The following MAGI1 variants were observed in gnomAD, a reference collection of about 807,000 sequenced individuals.
MAGI1 encodes membrane-associated guanylate kinase, WW and PDZ domain-containing protein 1.
MAGI1 carries 58 observed loss-of-function variants against 139.9 expected under a neutral mutation model. The ratio of observed to expected loss-of-function variants is 0.41; its 90% CI spans 0.34 to 0.52. The LOEUF (loss-of-function observed/expected upper bound fraction) is 0.52. Ranked by LOEUF, MAGI1 falls within the 20% of genes least tolerant of loss-of-function variation. The probability of loss-of-function intolerance (pLI) is 0.12; values close to 1 mark genes in which losing one functional copy is unlikely to be tolerated. For missense variants in MAGI1, 1,874 were observed against 1,901.6 expected, an observed-to-expected ratio of 0.99 and a Z score of 0.27; for synonymous variants, 812 against 737.9, an observed-to-expected ratio of 1.10 and a Z score of -1.63.
intron 1 of MAGI1, among the ~76,000 whole-genome samples, chr3:65,740,864 A>C (rs1321142551): frequency 2.0e-5 from 3 of 152,246 alleles, no homozygotes; most frequent in African/African-American, 7.2e-5. Flanking sequence ...ACACATCCAC[A>C]AACACTAGAA....
intron 1 of MAGI1, among the ~76,000 whole-genome samples, chr3:65,975,477 C>A (rs1029710028): frequency 6.6e-6 from 1 of 151,882 alleles, no homozygotes; most frequent in Admixed American, 6.6e-5. Context: ...GTTTTTAGGC[C>A]GGGCACAGTG....
chr3:65,458,116 C>CAA (rs1383123902), intron 5 of MAGI1, among the ~76,000 whole-genome samples: 1 of 152,126 alleles, frequency 6.6e-6, no homozygotes, highest in African/African-American at 2.4e-5. Flanking sequence ...AAGGTTGTCG[C>CAA]AAATGACTAG....
chr3:65,415,838 C>T (rs1279844966), intron 12 of MAGI1, among the ~76,000 whole-genome samples: 1 of 152,144 alleles, frequency 6.6e-6, no homozygotes, highest in Non-Finnish European at 1.5e-5. Context: ...GGGGGTGCTA[C>T]CGGCAGCTAG....
At chr3:65,363,335 T>TG in intron 21 of MAGI1, 130 bp downstream of exon 21, 3 of 1,122,862 alleles carry the variant, frequency 2.7e-6, no homozygotes, top group Non-Finnish European at 3.7e-6. Context: ...GTAGGAGTCA[T>TG]GCACTTAAGA....
At chr3:66,032,385 G>GTTTT (rs386396910) in intron 1 of MAGI1, among the ~76,000 whole-genome samples, 1 of 134,216 alleles carries the variant, frequency 7.5e-6, no homozygotes, top group Non-Finnish European at 1.6e-5. Context: ...TAATTTTTTT[G>GTTTT]TTTTTTTTTT....
intron 1 of MAGI1, among the ~76,000 whole-genome samples, chr3:65,950,347 G>A (rs75579227): frequency 0.058 from 8,843 of 151,982 alleles, 370 homozygotes; most frequent in Middle Eastern, 0.1. Context: ...GTTCTTTGAA[G>A]CCTCAAAGAA....
chr3:65,544,350 CA>C (rs1217424602), intron 2 of MAGI1, among the ~76,000 whole-genome samples: 2 of 152,084 alleles, frequency 1.3e-5, no homozygotes, highest in African/African-American at 4.8e-5. Flanking sequence ...CTCAATGCAG[CA>C]GGGATAATGC....
At chr3:65,999,076 T>A (rs1056926492) in intron 1 of MAGI1, among the ~76,000 whole-genome samples, 10 of 151,834 alleles carry the variant, frequency 6.6e-5, no homozygotes, top group Non-Finnish European at 8.8e-5. Context: ...AAAAAAAAAA[T>A]TTATTTGAAG....
At chr3:65,686,445 C>T (rs755790718) in intron 1 of MAGI1, among the ~76,000 whole-genome samples, 24 of 152,136 alleles carry the variant, frequency 1.6e-4, no homozygotes, top group Admixed American at 1.5e-3. Context: ...GCGCACACCA[C>T]CAAGCCCAGC....
In MAGI1 at chr3:65,356,939, G is replaced by A. The variant is rs748295432; in HGVS notation, c.3828C>T (p.Pro1276=). Residue 1276 remains proline (P), a synonymous_variant, in exon 23 of 23, where the codon CCC becomes CCT. Coordinates refer to ENST00000402939, the MANE Select transcript of MAGI1 (RefSeq NM_001033057.2). ...TCCCATTCCAGGTGTGGTGTTCATT[G>A]GGTTGTCTGCTATACTCTCTGCTGC... is the stretch of plus-strand genomic sequence containing the variant. The part of the protein sequence containing the change: ...PKGSREYSRQ[P]NEHHTWNGTS... The A allele has an allele frequency of 8.7e-6, 14 of 1,614,168 alleles. No individual in the cohort carries two copies. In the South Asian group the frequency reaches 1.5e-4, roughly 18 times the overall value.
chr3:65,471,474 TGA>T (rs759131132), intron 4 of MAGI1, among the ~76,000 whole-genome samples: 7 of 152,108 alleles, frequency 4.6e-5, no homozygotes, highest in African/African-American at 7.2e-5. Context: ...ATGACACACA[TGA>T]GAGTAAAGGT....
At chr3:65,945,516 T>C (rs117366021) in intron 1 of MAGI1, among the ~76,000 whole-genome samples, 2,230 of 141,828 alleles carry the variant, frequency 0.016, 33 homozygotes, top group East Asian at 0.046. Flanking sequence ...CCTTGTCTAA[T>C]AGGTAGACAA....
chr3:65,387,322 C>A (rs1943530547), intron 14 of MAGI1: 1 of 842,012 alleles, frequency 1.2e-6, no homozygotes, highest in Non-Finnish European at 1.9e-6. Flanking sequence ...ACAGTCAGTT[C>A]AGCTTTCACA....
At chr3:65,658,904 A>G (rs1175700003) in intron 1 of MAGI1, among the ~76,000 whole-genome samples, 1 of 152,254 alleles carries the variant, frequency 6.6e-6, no homozygotes, top group Non-Finnish European at 1.5e-5. Flanking sequence ...GCAATAATGC[A>G]CAATAAATAC....
At chr3:65,584,583 T>C (rs2081587725) in intron 2 of MAGI1, among the ~76,000 whole-genome samples, 1 of 152,084 alleles carries the variant, frequency 6.6e-6, no homozygotes, top group African/African-American at 2.4e-5. Context: ...AAAAAACATA[T>C]AAAAGCAGAA....
intron 2 of MAGI1, among the ~76,000 whole-genome samples, chr3:65,516,326 T>C (rs1023525710): frequency 6.6e-6 from 1 of 151,722 alleles, no homozygotes; most frequent in Non-Finnish European, 1.5e-5. Context: ...ACTACAGGCA[T>C]GTGCCACCCC....
chr3:65,692,858 A>G (rs1036420166), intron 1 of MAGI1, among the ~76,000 whole-genome samples: 6 of 152,148 alleles, frequency 3.9e-5, no homozygotes, highest in African/African-American at 1.4e-4. Context: ...ACAAACAAGA[A>G]GGTATTCATC....
intron 1 of MAGI1, among the ~76,000 whole-genome samples, chr3:65,955,581 A>C (rs187508958): frequency 1.3e-5 from 2 of 152,318 alleles, no homozygotes; most frequent in East Asian, 3.9e-4. Flanking sequence ...TGGCATGATG[A>C]ATATCGCTGC....
chr3:65,628,964 C>T (rs994414867), intron 1 of MAGI1, among the ~76,000 whole-genome samples: 2 of 151,948 alleles, frequency 1.3e-5, no homozygotes, highest in Non-Finnish European at 2.9e-5. Flanking sequence ...AAAAGATATT[C>T]TTATATATTC....
Sources: gnomAD v4.1 joint callset for allele counts (sites outside exome capture counted in the v4.1 genomes callset) on GRCh38, gnomAD v4.1.1 for gene constraint, MANE v1.5 for transcripts, NCBI Gene and HGNC (gene_info 2026-07-23, HGNC 2026-07-21) for gene names.